The following ARHGAP39 variants were observed in gnomAD, a reference collection of about 807,000 sequenced individuals.
ARHGAP39 encodes the protein rho GTPase-activating protein 39.
In ARHGAP39, 44 loss-of-function variants were observed where a neutral mutation model predicts 106.9. That is an observed-to-expected ratio of 0.41 (90% CI 0.32 to 0.53). ARHGAP39 has a LOEUF of 0.53. Among genes scored for constraint, ARHGAP39 ranks in the 20% least tolerant of loss-of-function variants. The probability of loss-of-function intolerance (pLI) is 0.21; values close to 1 mark genes in which losing one functional copy is unlikely to be tolerated. For missense variants in ARHGAP39, 1,496 were observed against 1,577.3 expected (o/e 0.95, Z 0.87); for synonymous variants, 768 against 693.2 (o/e 1.11, Z -1.69).
At chr8:144,618,469 A>T (rs11781974) in intron 1 of ARHGAP39, among the ~76,000 whole-genome samples, 1 of 152,250 alleles carries the variant, frequency 6.6e-6, no homozygotes, top group East Asian at 1.9e-4. Context: ...TCTGGAGGTC[A>T]CCGTGGACTC....
At chr8:144,603,299 A>C (rs1287868064) in intron 2 of ARHGAP39, among the ~76,000 whole-genome samples, 1 of 150,748 alleles carries the variant, frequency 6.6e-6, no homozygotes, top group Non-Finnish European at 1.5e-5. Context: ...GTGCTCGTGT[A>C]TCTGTGTGTG....
intron 6 of ARHGAP39, among the ~76,000 whole-genome samples, chr8:144,538,866 C>T (rs192821216): frequency 1.6e-4 from 24 of 152,288 alleles, no homozygotes; most frequent in African/African-American, 4.6e-4. Context: ...CCACTGCGCC[C>T]GGCCTACTTA....
intron 2 of ARHGAP39, among the ~76,000 whole-genome samples, chr8:144,584,625 T>A (rs554280709): frequency 3.7e-4 from 57 of 152,204 alleles, no homozygotes; most frequent in African/African-American, 1.3e-3. Flanking sequence ...TAGCCAGGTG[T>A]GGTGGCGTGC....
chr8:144,534,846 T>A (rs1178045032), intron 7 of ARHGAP39, among the ~76,000 whole-genome samples: 1 of 152,178 alleles, frequency 6.6e-6, no homozygotes, highest in Non-Finnish European at 1.5e-5. Flanking sequence ...GCAGTGTGCC[T>A]GAGTCAGCAC....
intron 3 of ARHGAP39, among the ~76,000 whole-genome samples, chr8:144,567,464 C>T (rs768760503): frequency 2.6e-5 from 4 of 152,156 alleles, no homozygotes; most frequent in Non-Finnish European, 4.4e-5. Flanking sequence ...GGAAAACACC[C>T]GCTACTTAGC....
intron 2 of ARHGAP39, among the ~76,000 whole-genome samples, chr8:144,600,234 G>A (rs1188044094): frequency 1.4e-5 from 2 of 141,380 alleles, no homozygotes; most frequent in African/African-American, 5.3e-5. Context: ...GTGCAAGCTC[G>A]TGTACCTACC....
rs538162346 is a variant in ARHGAP39, at chr8:144,578,170, T to C, written c.512+2676A>G. Among the ~76,000 whole-genome samples the C allele has an allele frequency of 7.2e-5, 11 of 152,354 alleles. No individual in the cohort carries two copies. The South Asian group carries it at 2.3e-3, about 32-fold the overall frequency. On this transcript the variant is annotated intron_variant, in intron 3 of 11. Coordinates refer to ENST00000377307, the MANE Select transcript of ARHGAP39 (RefSeq NM_025251.3). ...ATCAAAACAATGTGGTACTGGGATA[T>C]GGATCAATGCAAATCAATTGAGAGG...
At chr8:144,652,405 T>C (rs1821595362) in intron 1 of ARHGAP39, among the ~76,000 whole-genome samples, 1 of 152,202 alleles carries the variant, frequency 6.6e-6, no homozygotes, top group South Asian at 2.1e-4. Context: ...AATTCCATTA[T>C]TGGGTATACA....
rs1816626966 is a variant in ARHGAP39 at position 144,530,352 on chromosome 8, G to A, written c.*70C>T. On this transcript the variant is annotated 3_prime_UTR_variant, in exon 12 of 12. Transcript: ENST00000377307. Reference sequence around the variant, plus strand: ...GCCGGGCGATTCTGGCCCCTCTGCCGGGAGAGCGAGTGCGGAGTTCGGCCT... The same window carrying A: ...GCCGGGCGATTCTGGCCCCTCTGCCAGGAGAGCGAGTGCGGAGTTCGGCCT... 1.3e-6 allele frequency: 2 copies of A among 1,482,916 alleles called. No individual in the cohort carries two copies. The highest frequency in any genetic ancestry group is 1.8e-6 in the Non-Finnish European group (2 of 1,098,986). 91.9% of individuals were successfully genotyped at this position (1,482,916 alleles called of 1,614,324 possible). A position where few individuals can be genotyped will look rare whatever the true frequency, so the allele number is the denominator to read the frequency against.
chr8:144,627,554 C>A (rs866730987), intron 1 of ARHGAP39, among the ~76,000 whole-genome samples: 372 of 103,732 alleles, frequency 3.6e-3, no homozygotes, highest in Middle Eastern at 5.6e-3. Context: ...GACTCCATCT[C>A]AAAAAAAAAA....
chr8:144,532,900 C>T (rs1816786884), intron 9 of ARHGAP39, among the ~76,000 whole-genome samples: 1 of 152,226 alleles, frequency 6.6e-6, no homozygotes, highest in Non-Finnish European at 1.5e-5. Flanking sequence ...GGGCGCCCTC[C>T]CTGGCTGGCT....
rs892004975 is a variant in ARHGAP39, at chr8:144,548,384, T to G, written c.702A>C (p.Pro234=). The stretch of plus-strand genomic sequence containing the variant: ...GGGAGCGGACCCCAGGTGGGCCGTC[T>G]GGGGCGTAGCCATTGCCCTGGGCGG... ...FLAAQGNGYA[P]DGPPGVRSRR... Residue 234 remains proline, a synonymous_variant, in exon 5 of 12, where the codon CCA becomes CCC. Coordinates refer to ENST00000377307, the MANE Select transcript of ARHGAP39 (RefSeq NM_025251.3). This position sits in a 1 kb window ranked among gnomAD's most constrained non-coding sequence, Gnocchi z 7.4. 14 of 1,610,000 alleles carry G rather than the reference T, an allele frequency of 8.7e-6. No individual in the cohort carries two copies. In the African/African-American group the frequency reaches 1.9e-4, roughly 21 times the overall value.
intron 2 of ARHGAP39, among the ~76,000 whole-genome samples, chr8:144,598,713 C>T (rs755453663): frequency 6.6e-6 from 1 of 152,230 alleles, no homozygotes; most frequent in African/African-American, 2.4e-5. Flanking sequence ...GTGCCACGTG[C>T]TCTTTCTCCA....
At chr8:144,595,861 C>T (rs151253566) in intron 2 of ARHGAP39, among the ~76,000 whole-genome samples, 124 of 152,292 alleles carry the variant, frequency 8.1e-4, no homozygotes, top group African/African-American at 2.8e-3. Context: ...CCTCCCGCCG[C>T]GCCGCCATCT....
intron 6 of ARHGAP39, among the ~76,000 whole-genome samples, chr8:144,538,612 A>C (rs969227713): frequency 1.3e-5 from 2 of 152,100 alleles, no homozygotes; most frequent in African/African-American, 4.8e-5. Flanking sequence ...GGCTGGAGTG[A>C]GTGGTGCGAT....
intron 1 of ARHGAP39, among the ~76,000 whole-genome samples, chr8:144,663,667 C>T (rs889448531): frequency 1.3e-5 from 2 of 152,160 alleles, no homozygotes; most frequent in African/African-American, 4.8e-5. Context: ...ACCCATTCCC[C>T]GGGAGGCCTC....
rs112279898 is a variant in ARHGAP39 at position 144,560,956 on chromosome 8, G to GC, written c.513-5314dup. Among the ~76,000 whole-genome samples the GC allele has an allele frequency of 5.7e-3, 870 of 152,362 alleles. 9 individuals are homozygous for GC. Among genetic ancestry groups the GC allele is most frequent in the African/African-American group, 0.016 (670 of 41,588 alleles). ...CTAATGTGGCTCACTTGTTAGCCAAGCAAGGAAAACTGTTCACTGATGGGA... is the reference window on the plus strand; with the variant it reads ...CTAATGTGGCTCACTTGTTAGCCAAGCCAAGGAAAACTGTTCACTGATGGGA... On this transcript the variant is annotated intron_variant, in intron 3 of 11. Coordinates refer to ENST00000377307, the MANE Select transcript of ARHGAP39 (RefSeq NM_025251.3).
rs2130838585 is a variant in ARHGAP39 at position 144,545,539 on chromosome 8, C to T, written c.2231G>A (p.Cys744Tyr). Residue 744 changes from cysteine to tyrosine, a missense_variant, in exon 6 of 12, where the codon TGC becomes TAC. Coordinates refer to ENST00000377307, the MANE Select transcript of ARHGAP39 (RefSeq NM_025251.3). ...TSDRHVKKEA[C>Y]ELFKLIQMYM... ...CATCTGGATCAGCTTGAAGAGCTCG[C>T]AGGCCTCCTTCTTCACGTGCCGGTC... 1 of 1,613,670 alleles carries T rather than the reference C, an allele frequency of 6.2e-7. No homozygotes were observed. The highest frequency in any genetic ancestry group is 8.5e-7 in the Non-Finnish European group (1 of 1,180,004).
At position 144,644,989 on chromosome 8, in the gene ARHGAP39, G is replaced by C. The variant is rs915823130; in HGVS notation, c.-81-39294C>G. 6.6e-6 allele frequency among the ~76,000 whole-genome samples: 1 copy of C among 152,262 alleles called. No homozygotes were observed. The highest frequency in any genetic ancestry group is 1.5e-5 in the Non-Finnish European group (1 of 68,046). ...GACAGAAGTCAGTCCTCGCAGGCTT[G>C]TCCCTGGGTGGCAGGTGACAGGCGC... is the stretch of plus-strand genomic sequence containing the variant. On this transcript the variant is annotated intron_variant, in intron 1 of 11. Transcript: ENST00000377307. This position sits in a 1 kb window ranked among gnomAD's most constrained non-coding sequence, Gnocchi z 4.8.
Sources: allele counts gnomAD v4.1 joint callset (sites outside exome capture counted in the v4.1 genomes callset), GRCh38; gene constraint gnomAD v4.1.1; non-coding constraint Gnocchi (gnomAD v3.1); transcripts MANE v1.5; gene names NCBI Gene and HGNC (gene_info 2026-07-23, HGNC 2026-07-21).